EPHA6: variants seen among roughly 807,000 people sequenced by gnomAD.
The protein encoded by EPHA6 is ephrin type-A receptor 6.
EPHA6 carries 50 observed loss-of-function variants against 112.0 expected under a neutral mutation model. That is an observed-to-expected ratio of 0.45 (90% CI 0.36 to 0.56). EPHA6 has a LOEUF of 0.56. Among genes scored for constraint, EPHA6 ranks in the 20% least tolerant of loss-of-function variants. The pLI is 0.00. For missense variants in EPHA6, 1,280 were observed against 1,417.4 expected (o/e 0.90, Z 1.56); for synonymous variants, 529 against 490.7 (o/e 1.08, Z -1.03).
intron 3 of EPHA6, among the ~76,000 whole-genome samples, chr3:97,019,755 G>A (rs939820346): frequency 6.6e-6 from 1 of 151,770 alleles, no homozygotes; most frequent in Non-Finnish European, 1.5e-5. Context: ...TAATAAACTC[G>A]AGAACATGTA....
chr3:97,367,322 A>G (rs1290760853), intron 5 of EPHA6, among the ~76,000 whole-genome samples: 1 of 152,164 alleles, frequency 6.6e-6, no homozygotes, highest in Non-Finnish European at 1.5e-5. Context: ...AAACCAGGTC[A>G]CATGCTCAAC....
At chr3:96,864,753 A>T (rs960269417) in intron 1 of EPHA6, among the ~76,000 whole-genome samples, 7 of 152,108 alleles carry the variant, frequency 4.6e-5, no homozygotes, top group Non-Finnish European at 1.0e-4. Context: ...TTTAAAAAAA[A>T]CACTTAAACA....
At chr3:97,526,550 G>A (rs1292277493) in intron 10 of EPHA6, among the ~76,000 whole-genome samples, 1 of 152,176 alleles carries the variant, frequency 6.6e-6, no homozygotes, top group South Asian at 2.1e-4. Context: ...TCTGAGAGGG[G>A]CTAGAGCTGA....
chr3:97,741,176 C>A (rs1485608886), intron 16 of EPHA6, among the ~76,000 whole-genome samples: 1 of 151,738 alleles, frequency 6.6e-6, no homozygotes, highest in Non-Finnish European at 1.5e-5. Flanking sequence ...AGTGAGACCC[C>A]ATCTCTACAA....
At chr3:97,553,740 T>C (rs1413067576) in intron 11 of EPHA6, among the ~76,000 whole-genome samples, 2 of 152,204 alleles carry the variant, frequency 1.3e-5, no homozygotes, top group South Asian at 2.1e-4. Flanking sequence ...TCACATTGTA[T>C]CCTGATGGAT....
intron 6 of EPHA6, among the ~76,000 whole-genome samples, chr3:97,440,900 T>C (rs2090103996): frequency 6.6e-6 from 1 of 151,788 alleles, no homozygotes; most frequent in Non-Finnish European, 1.5e-5. Context: ...GATGTAAATA[T>C]ATATCAATAA....
At chr3:96,984,203 G>T (rs1384684572) in intron 2 of EPHA6, among the ~76,000 whole-genome samples, 6 of 152,150 alleles carry the variant, frequency 3.9e-5, no homozygotes, top group African/African-American at 1.4e-4. Flanking sequence ...TTTGGTCTTT[G>T]ATGATGGTGA....
At chr3:97,246,742 C>A (rs1363262095) in intron 5 of EPHA6, among the ~76,000 whole-genome samples, 1 of 151,616 alleles carries the variant, frequency 6.6e-6, no homozygotes, top group African/African-American at 2.4e-5. Context: ...AATATTATGA[C>A]CAGCCTTAAA....
intron 5 of EPHA6, among the ~76,000 whole-genome samples, chr3:97,370,326 T>A (rs1014950693): frequency 5.3e-5 from 8 of 152,172 alleles, no homozygotes; most frequent in African/African-American, 1.9e-4. Context: ...ATGCCAACTG[T>A]AGAAATATAA....
chr3:97,377,645 A>G (rs890791361), intron 5 of EPHA6, among the ~76,000 whole-genome samples: 9 of 152,184 alleles, frequency 5.9e-5, no homozygotes, highest in Non-Finnish European at 1.2e-4. Flanking sequence ...GGACAATGAA[A>G]TTCAGGCTGA....
chr3:97,479,933 C>T (rs1020763262), intron 9 of EPHA6, among the ~76,000 whole-genome samples: 6 of 152,186 alleles, frequency 3.9e-5, no homozygotes, highest in Non-Finnish European at 8.8e-5. Context: ...TCCTCCTCAA[C>T]ATCCACCTCC....
chr3:97,548,556 C>T (rs755683590), intron 11 of EPHA6, among the ~76,000 whole-genome samples: 62 of 152,104 alleles, frequency 4.1e-4, no homozygotes, highest in Non-Finnish European at 8.5e-4. Context: ...TTCTCTCTTG[C>T]CTTCTGTATT....
At position 96,981,184 on chromosome 3, in the gene EPHA6, G is replaced by T. The variant is rs570870529; in HGVS notation, c.451-6146G>T. Among the ~76,000 whole-genome samples the T allele has an allele frequency of 5.9e-5, 9 of 152,210 alleles. No individual in the cohort carries two copies. In the South Asian group the frequency reaches 1.9e-3, roughly 32 times the overall value. ...CCATTCAGTATGATATTGGCTATGG[G>T]TTTGTCATAAATAGCTCTTATTATT... On this transcript the variant is annotated intron_variant, in intron 2 of 17. Coordinates refer to ENST00000389672, the MANE Select transcript of EPHA6 (RefSeq NM_001080448.3).
At chr3:97,507,175 A>C (rs1239465784) in intron 10 of EPHA6, among the ~76,000 whole-genome samples, 3 of 152,008 alleles carry the variant, frequency 2.0e-5, no homozygotes, top group Non-Finnish European at 4.4e-5. Flanking sequence ...TGCCTGAATG[A>C]CCTGGCCAGA....
chr3:96,897,152 A>T (rs1484254277), intron 2 of EPHA6, among the ~76,000 whole-genome samples: 1 of 151,992 alleles, frequency 6.6e-6, no homozygotes, highest in Non-Finnish European at 1.5e-5. Flanking sequence ...TGTATTTTAT[A>T]CTACTTTTCA....
chr3:97,286,552 G>A (rs1440132594), intron 5 of EPHA6, among the ~76,000 whole-genome samples: 3 of 152,082 alleles, frequency 2.0e-5, no homozygotes, highest in Non-Finnish European at 4.4e-5. Context: ...TTGCAAATAG[G>A]TGAACTTACT....
intron 3 of EPHA6, among the ~76,000 whole-genome samples, chr3:97,018,253 G>A (rs909710381): frequency 1.3e-5 from 2 of 151,808 alleles, no homozygotes; most frequent in African/African-American, 4.8e-5. Context: ...ACCGCTTTAT[G>A]TGTAGGGACC....
chr3:97,193,400 A>G (rs963357138), intron 3 of EPHA6, among the ~76,000 whole-genome samples: 4 of 152,030 alleles, frequency 2.6e-5, no homozygotes, highest in Non-Finnish European at 5.9e-5. Flanking sequence ...ATTTGTAGCT[A>G]TTGTAAATGG....
At chr3:97,277,831 G>A (rs1050833941) in intron 5 of EPHA6, among the ~76,000 whole-genome samples, 1 of 152,156 alleles carries the variant, frequency 6.6e-6, no homozygotes, top group African/African-American at 2.4e-5. Context: ...AGTGAGCAGT[G>A]AGTGAATGTG....
Sources: allele counts gnomAD v4.1 joint callset (sites outside exome capture counted in the v4.1 genomes callset), GRCh38; gene constraint gnomAD v4.1.1; transcripts MANE v1.5; gene names NCBI Gene and HGNC (gene_info 2026-07-23, HGNC 2026-07-21).